PRKCB: variants seen among roughly 807,000 people sequenced by gnomAD.
PRKCB encodes the protein protein kinase C beta type.
PRKCB carries 13 observed loss-of-function variants against 81.5 expected under a neutral mutation model. The observed-to-expected ratio is 0.16, with a 90% CI of 0.10 to 0.25. The LOEUF (loss-of-function observed/expected upper bound fraction) is 0.25. PRKCB is among the 10% of genes least tolerant of loss of function. The probability of loss-of-function intolerance (pLI) is 1.00; values close to 1 mark genes in which losing one functional copy is unlikely to be tolerated. For synonymous variants in PRKCB, 335 were observed against 321.4 expected (o/e 1.04, Z -0.45); for missense variants, 509 against 875.7 (o/e 0.58, Z 5.29).
intron 2 of PRKCB, among the ~76,000 whole-genome samples, chr16:23,916,509 A>G (rs1265168631): frequency 6.6e-6 from 1 of 152,136 alleles, no homozygotes; most frequent in Non-Finnish European, 1.5e-5. Flanking sequence ...TAATACTTTT[A>G]TTGAAAGATT....
At chr16:23,863,979 T>C (rs1276266442) in intron 2 of PRKCB, among the ~76,000 whole-genome samples, 1 of 152,132 alleles carries the variant, frequency 6.6e-6, no homozygotes, top group African/African-American at 2.4e-5. Flanking sequence ...TACCAGCCCG[T>C]CAGTAATGGG....
Position 24,055,608 on chromosome 16 carries a change from A to G in PRKCB, c.529+20061A>G, listed in dbSNP as rs7189203. On this transcript the variant is annotated intron_variant, in intron 5 of 16. Transcript: ENST00000643927. ...TCATTTCTTCTTTCCAGACGAATCC[A>G]CTGTCTTAGCCCGTTGTTGGAGAAA... 7.8e-3 allele frequency among the ~76,000 whole-genome samples: 1,194 copies of G among 152,326 alleles called. 20 individuals are homozygous for G. Among genetic ancestry groups the G allele is most frequent in the African/African-American group, 0.027 (1,118 of 41,566 alleles).
chr16:23,962,512 C>A (rs1324292053), intron 2 of PRKCB, among the ~76,000 whole-genome samples: 2 of 152,216 alleles, frequency 1.3e-5, no homozygotes, highest in Admixed American at 1.3e-4. Context: ...GAACCTCTAA[C>A]CTGGTCACCC....
At chr16:23,992,665 A>C (rs1352100681) in intron 3 of PRKCB, among the ~76,000 whole-genome samples, 22 of 152,238 alleles carry the variant, frequency 1.4e-4, no homozygotes, top group Admixed American at 1.4e-3. Flanking sequence ...GCCCTGAAGG[A>C]GAGCCTTCTA....
chr16:24,076,075 A>G (rs972829039), intron 5 of PRKCB, among the ~76,000 whole-genome samples: 4 of 152,214 alleles, frequency 2.6e-5, no homozygotes, highest in Admixed American at 2.6e-4. Flanking sequence ...GGGAGGAATA[A>G]CATTAGGAGA....
At chr16:23,896,021 A>T (rs930351830) in intron 2 of PRKCB, among the ~76,000 whole-genome samples, 2 of 148,414 alleles carry the variant, frequency 1.3e-5, no homozygotes, top group Non-Finnish European at 3.0e-5. Flanking sequence ...TTTGAATTCT[A>T]TTTTTTCTTT....
At chr16:23,996,438 A>G (rs537560531) in intron 3 of PRKCB, among the ~76,000 whole-genome samples, 7 of 152,198 alleles carry the variant, frequency 4.6e-5, no homozygotes, top group Admixed American at 6.5e-5. Context: ...TCAATCTGCC[A>G]GCAGCAGAGA....
At chr16:24,087,033 A>G (rs76422784) in intron 5 of PRKCB, among the ~76,000 whole-genome samples, 6,498 of 152,246 alleles carry the variant, frequency 0.043, 169 homozygotes, top group East Asian at 0.11. Flanking sequence ...TTTCTCTACT[A>G]ATGTATTTTT....
At chr16:24,064,697 G>T (rs181989582) in intron 5 of PRKCB, among the ~76,000 whole-genome samples, 1 of 151,596 alleles carries the variant, frequency 6.6e-6, no homozygotes, top group Non-Finnish European at 1.5e-5. Flanking sequence ...ATGATTCTGG[G>T]TTTTTTTCCT....
At chr16:24,048,443 G>T (rs1965794450) in intron 5 of PRKCB, among the ~76,000 whole-genome samples, 1 of 151,898 alleles carries the variant, frequency 6.6e-6, no homozygotes, top group Non-Finnish European at 1.5e-5. Context: ...GAGTGATGAT[G>T]ATACATGATA....
chr16:24,081,741 G>T (rs1324963756), intron 5 of PRKCB, among the ~76,000 whole-genome samples: 1 of 152,094 alleles, frequency 6.6e-6, no homozygotes, highest in African/African-American at 2.4e-5. Flanking sequence ...GGGCGTGGTG[G>T]CAGATGCCTG....
chr16:24,098,146 T>A (rs1436810311), intron 7 of PRKCB: 8 of 152,226 alleles, frequency 5.3e-5, no homozygotes, highest in Admixed American at 5.2e-4. Context: ...GGGCTTAGAA[T>A]TTTATTTTGG....
chr16:23,886,415 T>TTTG (rs1963202809), intron 2 of PRKCB, among the ~76,000 whole-genome samples: 3 of 113,534 alleles, frequency 2.6e-5, no homozygotes, highest in South Asian at 2.7e-4. Context: ...TGTTTTTTTT[T>TTTG]TTTTTTTTTT....
chr16:23,866,951 TCTTCCTTCCCTTCCTTCC>T lies in PRKCB; in HGVS notation c.205+29582_205+29599del, dbSNP rs139638549. Among the ~76,000 whole-genome samples, 111 of 119,184 alleles carry T rather than the reference TCTTCCTTCCCTTCCTTCC, an allele frequency of 9.3e-4. 2 individuals carry two copies. The highest frequency in any genetic ancestry group is 2.2e-3 in the African/African-American group (69 of 31,398). The allele number at this position is 119,184 out of a possible 152,430, so 78.2% of individuals were successfully genotyped here. A position where few individuals can be genotyped will look rare whatever the true frequency, so the allele number is the denominator to read the frequency against. On this transcript the variant is annotated intron_variant, in intron 2 of 16. Coordinates refer to ENST00000643927, the MANE Select transcript of PRKCB (RefSeq NM_002738.7). ...CTCTTCCCTTCCCTTCCCCTTCCTT[TCTTCCTTCCCTTCCTTCC>T]CTTCCTTCCCTTCCTTCCCTTCCTT...
intron 5 of PRKCB, among the ~76,000 whole-genome samples, chr16:24,071,441 A>T (rs1966106858): frequency 8.2e-6 from 1 of 121,638 alleles, no homozygotes; most frequent in African/African-American, 4.2e-5. Flanking sequence ...CTGTCTAAAA[A>T]AAAAAAAAAA....
chr16:23,857,367 G>A (rs1251497030), intron 2 of PRKCB, among the ~76,000 whole-genome samples: 1 of 152,174 alleles, frequency 6.6e-6, no homozygotes, highest in Non-Finnish European at 1.5e-5. Context: ...CAGAGGGAGG[G>A]AGGAGGAGGT....
At chr16:23,976,109 C>A (rs1426055381) in intron 2 of PRKCB, among the ~76,000 whole-genome samples, 1 of 152,038 alleles carries the variant, frequency 6.6e-6, no homozygotes, top group Non-Finnish European at 1.5e-5. Context: ...GAGTTCGAAA[C>A]CAGCCTGGTC....
At chr16:23,866,733 C>G (rs1320140567) in intron 2 of PRKCB, among the ~76,000 whole-genome samples, 1 of 152,172 alleles carries the variant, frequency 6.6e-6, no homozygotes, top group Non-Finnish European at 1.5e-5. Context: ...CACGATTCAG[C>G]TTTTAATAGG....
At chr16:23,895,609 G>C (rs1007037904) in intron 2 of PRKCB, among the ~76,000 whole-genome samples, 6 of 152,118 alleles carry the variant, frequency 3.9e-5, no homozygotes, top group African/African-American at 1.4e-4. Flanking sequence ...AGGAGTTAGA[G>C]TTTCATGATT....
Sources: gnomAD v4.1 joint callset for allele counts (sites outside exome capture counted in the v4.1 genomes callset) on GRCh38, gnomAD v4.1.1 for gene constraint, MANE v1.5 for transcripts, NCBI Gene and HGNC (gene_info 2026-07-23, HGNC 2026-07-21) for gene names.